Variants in MND1 observed in about 807,000 individuals in gnomAD.
The protein encoded by MND1 is meiotic nuclear division protein 1 homolog.
A neutral mutation model predicts 35.1 loss-of-function variants in MND1; 28 were observed. The ratio of observed to expected loss-of-function variants is 0.80; its 90% confidence interval spans 0.59 to 1.09. MND1 has a LOEUF of 1.09. Ranked by LOEUF, MND1 falls within the 50% of genes least tolerant of loss-of-function variation. The probability of loss-of-function intolerance (pLI) is 0.00; values close to 1 mark genes in which losing one functional copy is unlikely to be tolerated. For synonymous variants in MND1, 69 were observed against 70.5 expected (o/e 0.98, Z 0.11); for missense variants, 213 against 239.6 (o/e 0.89, Z 0.73).
chr4:153,409,059 T>C, intron 7 of MND1, 44 bp downstream of exon 7: 1 of 1,161,968 alleles, frequency 8.6e-7, no homozygotes, highest in Non-Finnish European at 1.1e-6. Context: ...TAAATTCCCT[T>C]CACACTTACT....
chr4:153,411,289 A>G (rs1161429039), intron 7 of MND1, among the ~76,000 whole-genome samples: 5 of 152,232 alleles, frequency 3.3e-5, no homozygotes, highest in East Asian at 1.9e-4. Context: ...GATATTGCCC[A>G]TCCTATTCCT....
At chr4:153,397,477 G>A in intron 6 of MND1, 144 bp downstream of exon 6, 1 of 570,024 alleles carries the variant, frequency 1.8e-6, no homozygotes, top group African/African-American at 1.9e-5. Context: ...CTCTAATTTT[G>A]TATTTGTAAC....
At chr4:153,409,142 T>C (rs979670707) in intron 7 of MND1, 127 bp downstream of exon 7, 1 of 358,620 alleles carries the variant, frequency 2.8e-6, no homozygotes, top group South Asian at 7.3e-5. Flanking sequence ...TATGCATTAC[T>C]CAAATGTTTA....
chr4:153,366,525 T>C (rs1773641115), intron 4 of MND1, among the ~76,000 whole-genome samples: 1 of 152,230 alleles, frequency 6.6e-6, no homozygotes, highest in Non-Finnish European at 1.5e-5. Flanking sequence ...ATTAAATATA[T>C]GAATCTGTAG....
chr4:153,347,531 C>G (rs1023795979), intron 1 of MND1, among the ~76,000 whole-genome samples: 3 of 152,158 alleles, frequency 2.0e-5, no homozygotes, highest in Non-Finnish European at 1.5e-5. Flanking sequence ...TCTAACTTGG[C>G]ACTAAGCCCT....
intron 4 of MND1, among the ~76,000 whole-genome samples, chr4:153,383,368 T>C (rs1475094504): frequency 1.3e-5 from 2 of 152,198 alleles, no homozygotes; most frequent in African/African-American, 4.8e-5. Context: ...GTTTTCTACA[T>C]CATGTGGATT....
chr4:153,350,739 A>G (rs1773192961), intron 2 of MND1, among the ~76,000 whole-genome samples: 1 of 152,256 alleles, frequency 6.6e-6, no homozygotes, highest in South Asian at 2.1e-4. Context: ...CTGTTACTGG[A>G]AGGCTTTTCT....
At chr4:153,374,909 G>C (rs1728457629) in intron 4 of MND1, among the ~76,000 whole-genome samples, 1 of 152,072 alleles carries the variant, frequency 6.6e-6, no homozygotes, top group Non-Finnish European at 1.5e-5. Context: ...CTGTGTGGCT[G>C]CTCCGTGCAT....
At chr4:153,399,294 T>G (rs1579949323) in intron 6 of MND1, among the ~76,000 whole-genome samples, 1 of 152,224 alleles carries the variant, frequency 6.6e-6, no homozygotes, top group African/African-American at 2.4e-5. Context: ...CCTATTGTAC[T>G]GCCACAGCTA....
At chr4:153,352,746 T>TAAA (rs56770218) in intron 2 of MND1, among the ~76,000 whole-genome samples, 16 of 114,964 alleles carry the variant, frequency 1.4e-4, no homozygotes, top group East Asian at 5.2e-4. Flanking sequence ...GACCCTATCT[T>TAAA]AAAAAAAAAA....
intron 7 of MND1, among the ~76,000 whole-genome samples, chr4:153,409,685 C>CA (rs755559331): frequency 6.6e-6 from 1 of 151,990 alleles, no homozygotes; most frequent in Non-Finnish European, 1.5e-5. Flanking sequence ...CTGTTTCACA[C>CA]AAAAAATATA....
intron 6 of MND1, among the ~76,000 whole-genome samples, chr4:153,406,231 G>T (rs1729505824): frequency 6.6e-6 from 1 of 151,794 alleles, no homozygotes; most frequent in Non-Finnish European, 1.5e-5. Context: ...TATCAAGAAA[G>T]TAAAAAGAGG....
intron 6 of MND1, among the ~76,000 whole-genome samples, chr4:153,408,551 T>C (rs1023584833): frequency 3.9e-5 from 6 of 152,162 alleles, no homozygotes; most frequent in Non-Finnish European, 8.8e-5. Context: ...GTCACACTTA[T>C]TGTGGTCTTA....
intron 4 of MND1, among the ~76,000 whole-genome samples, chr4:153,371,253 T>C (rs1029915678): frequency 6.6e-6 from 1 of 152,074 alleles, no homozygotes; most frequent in Non-Finnish European, 1.5e-5. Context: ...AGGGTTTTCA[T>C]TGAGCATTGG....
intron 4 of MND1, among the ~76,000 whole-genome samples, chr4:153,365,079 A>G (rs888624486): frequency 7.4e-5 from 11 of 148,872 alleles, no homozygotes; most frequent in African/African-American, 2.8e-4. Context: ...TCCCTGACTG[A>G]AGAACCAGAT....
chr4:153,405,810 AT>A (rs1729484166), intron 6 of MND1, among the ~76,000 whole-genome samples: 1 of 151,932 alleles, frequency 6.6e-6, no homozygotes, highest in Non-Finnish European at 1.5e-5. Context: ...ACAGATTTAT[AT>A]TTCTTTTTTT....
intron 4 of MND1, among the ~76,000 whole-genome samples, chr4:153,368,733 T>C (rs1329418220): frequency 6.6e-6 from 1 of 152,200 alleles, no homozygotes; most frequent in African/African-American, 2.4e-5. Flanking sequence ...TAGCCTTATT[T>C]AATCCAGTTT....
chr4:153,380,784 G>T (rs892191443), intron 4 of MND1, among the ~76,000 whole-genome samples: 3 of 152,042 alleles, frequency 2.0e-5, no homozygotes, highest in Non-Finnish European at 2.9e-5. Flanking sequence ...GATTGTGGGG[G>T]GAATAAGGTA....
At chr4:153,397,649 T>C (rs908031598) in intron 6 of MND1, among the ~76,000 whole-genome samples, 12 of 137,654 alleles carry the variant, frequency 8.7e-5, no homozygotes, top group African/African-American at 3.2e-4. Flanking sequence ...AAATCCCATC[T>C]CTACAAAAAA....
Sources: gnomAD v4.1 joint callset for allele counts (sites outside exome capture counted in the v4.1 genomes callset) on GRCh38, gnomAD v4.1.1 for gene constraint, MANE v1.5 for transcripts, NCBI Gene and HGNC (gene_info 2026-07-23, HGNC 2026-07-21) for gene names.